NOTCH3: variants seen among roughly 807,000 people sequenced by gnomAD.
The protein encoded by NOTCH3 is neurogenic locus notch homolog protein 3.
In NOTCH3, 86 loss-of-function variants were observed where a neutral mutation model predicts 213.3. The ratio of observed to expected loss-of-function variants is 0.40; its 90% CI spans 0.34 to 0.48. The LOEUF (loss-of-function observed/expected upper bound fraction) is 0.48, where lower values mean the gene tolerates loss of function less well. NOTCH3 is among the 20% of genes least tolerant of loss of function. The probability of loss-of-function intolerance (pLI) is 0.57; values close to 1 mark genes in which losing one functional copy is unlikely to be tolerated. For missense variants in NOTCH3, 2,783 were observed against 3,272.6 expected (o/e 0.85, Z 3.65); for synonymous variants, 1,354 against 1,355.9 (o/e 1.00, Z 0.03).
intron 25 of NOTCH3, among the ~76,000 whole-genome samples, chr19:15,172,548 C>A (rs1359286721): frequency 3.9e-5 from 6 of 152,082 alleles, no homozygotes; most frequent in Non-Finnish European, 7.4e-5. Context: ...ACCCAACCCT[C>A]CTCTCTGTAT....
rs1184438857 is a variant in NOTCH3, at chr19:15,174,324, C to T, written c.4480G>A (p.Gly1494Ser). 3 of 1,553,384 alleles carry T rather than the reference C, an allele frequency of 1.9e-6. No individual in the cohort carries two copies. The highest frequency in any genetic ancestry group is 2.6e-6 in the Non-Finnish European group (3 of 1,149,056). ...CDQGCNTEEC[G>S]WDGLDCASEV... ...CTGGCACAATCCAGCCCATCCCAGC[C>T]GCACTCCTCCGTGTTGCAGCCCTGG... Residue 1494 changes from glycine (G) to serine (S), a missense_variant, in exon 25 of 33, where the codon GGC becomes AGC. By Grantham distance (56) the Gly-to-Ser change is moderately conservative. This residue lies in a region of NOTCH3 where 636 missense variants were observed against 801.8 expected (regional missense o/e 0.79). Coordinates refer to ENST00000263388, the MANE Select transcript of NOTCH3 (RefSeq NM_000435.3).
chr19:15,171,720 G>T (rs1006155034), intron 25 of NOTCH3, among the ~76,000 whole-genome samples: 2 of 152,220 alleles, frequency 1.3e-5, no homozygotes, highest in Non-Finnish European at 2.9e-5. Flanking sequence ...CGACAGGCTG[G>T]AGTGCAGTGG....
At chr19:15,173,421 C>CAA (rs71168587) in intron 25 of NOTCH3, among the ~76,000 whole-genome samples, 989 of 68,322 alleles carry the variant, frequency 0.014, 45 homozygotes, top group Middle Eastern at 0.05. Context: ...GACTCCGTCT[C>CAA]AAAAAAAAAA....
At position 15,175,590 on chromosome 19, in the gene NOTCH3, TACACACACAC is replaced by T. The variant is rs1555727085; in HGVS notation, c.4404-1200_4404-1191del. Reference sequence around the variant, plus strand: ...ATATATATATGTATATATATGTATATACACACACACACACACACACACACGCACGCACACA... The same window carrying T: ...ATATATATATGTATATATATGTATATACACACACACACACGCACGCACACA... On this transcript the variant is annotated intron_variant, in intron 24 of 32. Transcript: ENST00000263388. 4.7e-5 allele frequency among the ~76,000 whole-genome samples: 5 copies of T among 107,170 alleles called. No homozygotes were observed. In the South Asian group the frequency reaches 1.2e-3, roughly 26 times the overall value. The allele number at this position is 107,170 out of a possible 152,430, so 70.3% of individuals were successfully genotyped here.
intron 25 of NOTCH3, among the ~76,000 whole-genome samples, chr19:15,173,537 T>C (rs2145407256): frequency 6.7e-6 from 1 of 150,028 alleles, no homozygotes; most frequent in Admixed American, 6.7e-5. Flanking sequence ...TACAAGAATA[T>C]ATTGTGCCCG....
rs750373169 is a variant in NOTCH3, at chr19:15,174,317, T to G, written c.4487A>C (p.Asp1496Ala). 17 of 1,554,026 alleles carry G rather than the reference T, an allele frequency of 1.1e-5. No individual in the cohort carries two copies. Among genetic ancestry groups the G allele is most frequent in the Non-Finnish European group, 1.7e-6 (2 of 1,149,784 alleles). Reference protein sequence around the residue: ...QGCNTEECGWDGLDCASEVPA... With the variant: ...QGCNTEECGWAGLDCASEVPA... ...CACCTCGCTGGCACAATCCAGCCCATCCCAGCCGCACTCCTCCGTGTTGCA... is the reference window on the plus strand; with the variant it reads ...CACCTCGCTGGCACAATCCAGCCCAGCCCAGCCGCACTCCTCCGTGTTGCA... The change falls in exon 25 of 33, where the codon GAT becomes GCT. Residue 1496 changes from aspartate (D) to alanine (A), a missense_variant. Asp to Ala is a moderately radical substitution (Grantham distance 126). Coordinates refer to ENST00000263388, the MANE Select transcript of NOTCH3 (RefSeq NM_000435.3).
chr19:15,195,961 G>C (rs967874095), intron 2 of NOTCH3, among the ~76,000 whole-genome samples: 7 of 151,554 alleles, frequency 4.6e-5, no homozygotes, highest in African/African-American at 1.7e-4. Flanking sequence ...GGTGAGGCGA[G>C]GACTAGGAGA....
rs1215184250 is a variant in NOTCH3, at chr19:15,184,336, G to A, written c.2525C>T (p.Thr842Ile). 2 of 1,614,010 alleles carry A rather than the reference G, an allele frequency of 1.2e-6. No homozygotes were observed. Among genetic ancestry groups the A allele is most frequent in the Non-Finnish European group, 1.7e-6 (2 of 1,179,992 alleles). Residue 842 changes from threonine to isoleucine, a missense_variant, in exon 16 of 33, where the codon ACT becomes ATT. Transcript: ENST00000263388. Reference sequence around the variant, plus strand: ...GATGTCCTGATCGCAGGAAGGGCCAGTGTACCCTCCATGGCAGGTGCAGCT... The same window carrying A: ...GATGTCCTGATCGCAGGAAGGGCCAATGTACCCTCCATGGCAGGTGCAGCT... ...SFSCTCHGGYTGPSCDQDIND... is the reference protein window; with the variant it reads ...SFSCTCHGGYIGPSCDQDIND...
intron 8 of NOTCH3, 136 bp downstream of exon 8, chr19:15,188,853 C>A: frequency 1.2e-6 from 1 of 862,082 alleles, no homozygotes; most frequent in Non-Finnish European, 1.8e-6. Flanking sequence ...CCTGACCCCA[C>A]CTCCTTCCAG....
chr19:15,184,424 C>T lies in NOTCH3; in HGVS notation c.2437G>A (p.Glu813Lys), dbSNP rs375873637. The T allele has an allele frequency of 4.6e-5, 74 of 1,613,844 alleles. No homozygotes were observed. In the African/African-American group the frequency reaches 5.5e-4, roughly 12 times the overall value. ...QGPRCQQDVD[E>K]CAGPAPCGPH... ...CCACAGGGTGCGGGGCCAGCACACT[C>T]GTCCACATCCTGCTGGCATCGTGGG... The change falls in exon 16 of 33, where the codon GAG (glutamate) becomes AAG (lysine). Residue 813 changes from glutamate to lysine, a missense_variant. Physicochemically the swap from Glu to Lys is moderately conservative, Grantham distance 56. Coordinates refer to ENST00000263388, the MANE Select transcript of NOTCH3 (RefSeq NM_000435.3).
Position 15,183,991 on chromosome 19 carries a change from G to A in NOTCH3, c.2566+304C>T, listed in dbSNP as rs4809043. 0.59 allele frequency among the ~76,000 whole-genome samples: 84,770 copies of A among 144,286 alleles called. 27,231 individuals are homozygous for A. Among genetic ancestry groups the A allele is most frequent in the Non-Finnish European group, 0.72 (48,230 of 66,980 alleles). The allele number at this position is 144,286 out of a possible 152,430, so 94.7% of individuals were successfully genotyped here. A position where few individuals can be genotyped will look rare whatever the true frequency, so the allele number is the denominator to read the frequency against. ...CCAGAAGGCAGAGGTTGCAGTGAGCGATGATTGCAACACTGCACTCCAGCG... is the reference window on the plus strand; with the variant it reads ...CCAGAAGGCAGAGGTTGCAGTGAGCAATGATTGCAACACTGCACTCCAGCG... On this transcript the variant is annotated intron_variant, in intron 16 of 32. Transcript: ENST00000263388.
intron 2 of NOTCH3, among the ~76,000 whole-genome samples, chr19:15,197,282 TCAG>T (rs1476277071): frequency 6.6e-6 from 1 of 152,120 alleles, no homozygotes; most frequent in African/African-American, 2.4e-5. Flanking sequence ...TCCTAGCCGG[TCAG>T]CAACATGATG....
In NOTCH3 at chr19:15,178,059, G is replaced by A. The variant is rs2046807513; in HGVS notation, c.3869C>T (p.Ala1290Val). 1.3e-6 allele frequency: 2 copies of A among 1,519,816 alleles called. No homozygotes were observed. Among genetic ancestry groups the A allele is most frequent in the Non-Finnish European group, 1.8e-6 (2 of 1,139,516 alleles). 94.1% of individuals were successfully genotyped at this position (1,519,816 alleles called of 1,614,324 possible). A position where few individuals can be genotyped will look rare whatever the true frequency, so the allele number is the denominator to read the frequency against. The part of the protein sequence containing the change: ...PFWGPRCERV[A>V]RSCRELQCPV... ...GCACTGCAGCTCCCGGCAGGAGCGC[G>A]CCACCCGCTCGCAACGCGGACCCCA... Residue 1290 changes from alanine to valine, a missense_variant, in exon 24 of 33, where the codon GCG becomes GTG. Ala to Val is a moderately conservative substitution (Grantham distance 64). Transcript: ENST00000263388.
At chr19:15,197,441 G>GGGGGCCCCCCCCCCCC in intron 2 of NOTCH3, 59 bp downstream of exon 2, 1 of 768,364 alleles carries the variant, frequency 1.3e-6, no homozygotes, top group Non-Finnish European at 2.3e-6. Context: ...AAGACAAATC[G>GGGGGCCCCCCCCCCCC]CCCCTCCCCC....
chr19:15,189,288 C>T lies in NOTCH3; in HGVS notation c.1177G>A (p.Asp393Asn), dbSNP rs1599391915. ...FTGGACDQDVDECSIGANPCE... is the reference protein window; with the variant it reads ...FTGGACDQDVNECSIGANPCE... ...CTCCCCTCACCGATAGAGCACTCGT[C>T]CACATCCTGGTCACATGCCCCACCC... Residue 393 changes from aspartate to asparagine, a missense_variant, in exon 7 of 33, where the codon GAC (aspartate) becomes AAC (asparagine). By Grantham distance (23) the Asp-to-Asn change is conservative. This residue lies in a region of NOTCH3 where 708 missense variants were observed against 906.6 expected (regional missense o/e 0.78). Transcript: ENST00000263388. The T allele has an allele frequency of 6.2e-7, 1 of 1,614,120 alleles. No individual in the cohort carries two copies. Among genetic ancestry groups the T allele is most frequent in the East Asian group, 2.2e-5 (1 of 44,878 alleles).
chr19:15,186,593 T>C (rs1209788314), intron 12 of NOTCH3, among the ~76,000 whole-genome samples: 2 of 152,014 alleles, frequency 1.3e-5, no homozygotes, highest in South Asian at 2.1e-4. Context: ...TTAGTAGAGA[T>C]GGGGCTTCGC....
chr19:15,177,839 G>A lies in NOTCH3; in HGVS notation c.4089C>T (p.Cys1363=), dbSNP rs1599378709. 8.2e-7 allele frequency: 1 copy of A among 1,220,292 alleles called. No individual in the cohort carries two copies. Among genetic ancestry groups the A allele is most frequent in the East Asian group, 3.5e-5 (1 of 28,882 alleles). 75.6% of individuals were successfully genotyped at this position (1,220,292 alleles called of 1,614,324 possible). ...AGCGCGGCCCGGTCCAGCCCTGCGCGCAAGCGCAGCGGAAGAAGGGCGCGA... is the reference window on the plus strand; with the variant it reads ...AGCGCGGCCCGGTCCAGCCCTGCGCACAAGCGCAGCGGAAGAAGGGCGCGA... The part of the protein sequence containing the change: ...APLAPFFRCA[C]AQGWTGPRCE... The change falls in exon 24 of 33, where the codon TGC becomes TGT. Residue 1363 remains cysteine (C), a synonymous_variant. Coordinates refer to ENST00000263388, the MANE Select transcript of NOTCH3 (RefSeq NM_000435.3).
rs768830343 is a variant in NOTCH3 at position 15,174,361 on chromosome 19, G to A, written c.4443C>T (p.Asp1481=). 50 of 1,545,570 alleles carry A rather than the reference G, an allele frequency of 3.2e-5. No individual in the cohort carries two copies. The highest frequency in any genetic ancestry group is 1.1e-4 in the South Asian group (9 of 83,868). Residue 1481 remains aspartate (D), a synonymous_variant, in exon 25 of 33, where the codon GAC becomes GAT. Coordinates refer to ENST00000263388, the MANE Select transcript of NOTCH3 (RefSeq NM_000435.3). The part of the protein sequence containing the change: ...YEKYCADHFA[D]GRCDQGCNTE... ...TGTTGCAGCCCTGGTCGCAGCGGCCGTCGGCAAAGTGGTCGGCGCAGTACT... is the reference window on the plus strand; with the variant it reads ...TGTTGCAGCCCTGGTCGCAGCGGCCATCGGCAAAGTGGTCGGCGCAGTACT...
intron 31 of NOTCH3, among the ~76,000 whole-genome samples, chr19:15,162,849 T>A (rs2046657622): frequency 6.6e-6 from 1 of 152,076 alleles, no homozygotes; most frequent in Admixed American, 6.6e-5. Flanking sequence ...CTCCTTCAGT[T>A]GAACCTAGGG....
Sources: gnomAD v4.1 joint callset for allele counts (sites outside exome capture counted in the v4.1 genomes callset) on GRCh38, gnomAD v4.1.1 for gene constraint, gnomAD v4.1.1 regional missense constraint, MANE v1.5 for transcripts, NCBI Gene and HGNC (gene_info 2026-07-23, HGNC 2026-07-21) for gene names.